TMEM114: variants seen among roughly 807,000 people sequenced by gnomAD.
TMEM114 encodes claudin-26.
A neutral mutation model predicts 6.2 loss-of-function variants in TMEM114; 6 were observed. The observed-to-expected ratio is 0.97, with a 90% confidence interval of 0.53 to 1.91. The LOEUF is 1.91. Ranked by LOEUF, TMEM114 falls within the 40% of genes most tolerant of loss-of-function variation. The pLI is 0.01. For missense variants in TMEM114, 218 were observed against 158.3 expected (o/e 1.38, Z -2.02); for synonymous variants, 104 against 73.0 (o/e 1.42, Z -2.16).
chr16:8,541,556 G>C (rs1201738011), intron 2 of TMEM114, among the ~76,000 whole-genome samples: 1 of 150,646 alleles, frequency 6.6e-6, no homozygotes, highest in African/African-American at 2.5e-5. Flanking sequence ...GCCTCATTCT[G>C]CTACAACATG....
At chr16:8,530,696 G>A in the TMEM114 span, among the ~76,000 whole-genome samples, 4 of 151,932 alleles carry the variant, frequency 2.6e-5, no homozygotes, top group Admixed American at 2.6e-4. Flanking sequence ...GGATGGGAGG[G>A]AGAGAGAGAA....
intron 2 of TMEM114, among the ~76,000 whole-genome samples, chr16:8,557,532 C>T (rs951829685): frequency 2.0e-5 from 3 of 152,228 alleles, no homozygotes; most frequent in African/African-American, 4.8e-5. Context: ...CTCTCAGAGA[C>T]CACAAGCAAT....
In TMEM114 at chr16:8,583,013, T is replaced by G. The variant is rs1284402029; in HGVS notation, c.301+6200A>C. On this transcript the variant is annotated intron_variant, in intron 2 of 3. Transcript: ENST00000620492. Reference sequence around the variant, plus strand: ...ACTGCTAGGGTTCAAATCCTAGAAGTTCTAGTTACTGTGCAAACTTAGATA... The same window carrying G: ...ACTGCTAGGGTTCAAATCCTAGAAGGTCTAGTTACTGTGCAAACTTAGATA... 4.6e-5 allele frequency among the ~76,000 whole-genome samples: 7 copies of G among 152,250 alleles called. No homozygotes were observed. The South Asian group carries it at 1.5e-3, about 32-fold the overall frequency.
At chr16:8,557,429 C>G (rs1473244630) in intron 2 of TMEM114, among the ~76,000 whole-genome samples, 2 of 152,190 alleles carry the variant, frequency 1.3e-5, no homozygotes, top group Non-Finnish European at 2.9e-5. Flanking sequence ...CAGCCTGCCC[C>G]TAGCTGCTCC....
At chr16:8,564,367 G>A (rs1055173162) in intron 2 of TMEM114, among the ~76,000 whole-genome samples, 1 of 150,904 alleles carries the variant, frequency 6.6e-6, no homozygotes, top group East Asian at 1.9e-4. Flanking sequence ...GTGAGTGAAT[G>A]AGTCAGTGAA....
At chr16:8,531,532 A>T in the TMEM114 span, among the ~76,000 whole-genome samples, 2 of 152,206 alleles carry the variant, frequency 1.3e-5, no homozygotes, top group East Asian at 3.9e-4. Flanking sequence ...CTGCCACAGC[A>T]AGATAGCAGA....
intron 2 of TMEM114, among the ~76,000 whole-genome samples, chr16:8,582,786 A>G (rs1220538107): frequency 6.6e-6 from 1 of 152,222 alleles, no homozygotes; most frequent in Non-Finnish European, 1.5e-5. Flanking sequence ...GCTACTCAGA[A>G]GGCTGAGGCA....
At chr16:8,564,321 G>A (rs912086504) in intron 2 of TMEM114, among the ~76,000 whole-genome samples, 9 of 149,286 alleles carry the variant, frequency 6.0e-5, no homozygotes, top group Non-Finnish European at 1.2e-4. Context: ...AAGTGAATGA[G>A]TGAGTTAGAG....
the TMEM114 span, among the ~76,000 whole-genome samples, chr16:8,527,446 G>C: frequency 6.6e-6 from 1 of 152,168 alleles, no homozygotes; most frequent in African/African-American, 2.4e-5. Flanking sequence ...TTGTCTGTGA[G>C]ATGAGCATAA....
chr16:8,550,741 C>A (rs920409056), intron 2 of TMEM114, among the ~76,000 whole-genome samples: 4 of 151,850 alleles, frequency 2.6e-5, no homozygotes, highest in Admixed American at 2.0e-4. Context: ...CTGGTCCCTC[C>A]TAACACTCCA....
chr16:8,545,980 T>C (rs374255369), intron 2 of TMEM114, among the ~76,000 whole-genome samples: 101 of 152,112 alleles, frequency 6.6e-4, no homozygotes, highest in African/African-American at 2.0e-3. Context: ...CTGAGTGTGG[T>C]GGTGTGTGCC....
intron 2 of TMEM114, among the ~76,000 whole-genome samples, chr16:8,548,705 C>A (rs4074768): frequency 7.0e-6 from 1 of 142,228 alleles, no homozygotes; most frequent in African/African-American, 2.7e-5. Flanking sequence ...TATATATATA[C>A]ACAGAAAAAA....
intron 2 of TMEM114, among the ~76,000 whole-genome samples, chr16:8,562,868 G>C (rs972012908): frequency 6.7e-6 from 1 of 150,142 alleles, no homozygotes; most frequent in Non-Finnish European, 1.5e-5. Flanking sequence ...GAATGAGTGA[G>C]TAAATGAGTG....
chr16:8,570,983 G>A (rs1901714363), intron 3 of TMEM114, among the ~76,000 whole-genome samples: 1 of 152,172 alleles, frequency 6.6e-6, no homozygotes, highest in Non-Finnish European at 1.5e-5. Context: ...TTGTCACTGG[G>A]TGAACTATTA....
At chr16:8,575,560 A>C (rs113970291) in intron 2 of TMEM114, among the ~76,000 whole-genome samples, 25 of 152,316 alleles carry the variant, frequency 1.6e-4, no homozygotes, top group African/African-American at 5.8e-4. Flanking sequence ...ACAATGATGC[A>C]ACACCTGCCA....
At chr16:8,560,171 T>A (rs1901154275) in intron 2 of TMEM114, among the ~76,000 whole-genome samples, 1 of 151,964 alleles carries the variant, frequency 6.6e-6, no homozygotes, top group African/African-American at 2.4e-5. Flanking sequence ...TTTTATTATT[T>A]TTTTTTTGTA....
At chr16:8,561,730 G>T (rs1168544274) in intron 2 of TMEM114, among the ~76,000 whole-genome samples, 1 of 152,046 alleles carries the variant, frequency 6.6e-6, no homozygotes, top group Non-Finnish European at 1.5e-5. Context: ...AGTGAGGGAG[G>T]AAGGCAATGA....
At chr16:8,584,140 G>C (rs1902241638) in intron 2 of TMEM114, among the ~76,000 whole-genome samples, 1 of 152,186 alleles carries the variant, frequency 6.6e-6, no homozygotes, top group Non-Finnish European at 1.5e-5. Flanking sequence ...CCAAACAGAA[G>C]AAAGCAAAGC....
At chr16:8,554,218 T>C (rs1314346870) in intron 2 of TMEM114, among the ~76,000 whole-genome samples, 1 of 151,540 alleles carries the variant, frequency 6.6e-6, no homozygotes, top group Non-Finnish European at 1.5e-5. Context: ...CTTTATTCAC[T>C]GCCTGGGCCC....
Sources: allele counts gnomAD v4.1 joint callset (sites outside exome capture counted in the v4.1 genomes callset), GRCh38; gene constraint gnomAD v4.1.1; transcripts MANE v1.5; gene names NCBI Gene and HGNC (gene_info 2026-07-23, HGNC 2026-07-21).